MBD5: variants seen among roughly 807,000 people sequenced by gnomAD.
The protein encoded by MBD5 is methyl-CpG binding domain protein 5.
In MBD5, 13 loss-of-function variants were observed where a neutral mutation model predicts 117.3. That is an observed-to-expected ratio of 0.11 (90% CI 0.07 to 0.18). MBD5 has a LOEUF of 0.18. MBD5 is among the 10% of genes least tolerant of loss of function. The pLI is 1.00. For missense variants in MBD5, 1,879 were observed against 2,093.8 expected, an observed-to-expected ratio of 0.90 and a Z score of 2.00; for synonymous variants, 727 against 766.4, an observed-to-expected ratio of 0.95 and a Z score of 0.85.
chr2:148,385,466 G>T (rs898168429), intron 4 of MBD5, among the ~76,000 whole-genome samples: 11 of 152,104 alleles, frequency 7.2e-5, no homozygotes, highest in Admixed American at 2.0e-4. Context: ...AACAACATGT[G>T]CTGGAGAGGA....
At position 148,469,930 on chromosome 2, in the gene MBD5, C is replaced by T. The variant is rs1057520996; in HGVS notation, c.1987C>T (p.Pro663Ser). ...CGCATTGCGGAAAAGAAAACAACCA[C>T]CTACGACAGTGTTGAGTTTGCTCAG... ...KDALRKRKQPPTTVLSLLRQS... is the reference protein window; with the variant it reads ...KDALRKRKQPSTTVLSLLRQS... The change falls in exon 8 of 14, where the codon CCT (proline) becomes TCT (serine). Residue 663 changes from proline to serine, a missense_variant. Transcript: ENST00000642680. The T allele has an allele frequency of 2.5e-6, 4 of 1,613,964 alleles. No homozygotes were observed. The Admixed American group carries it at 5.0e-5, about 20-fold the overall frequency.
In MBD5 at chr2:148,483,927, C is replaced by A. The variant is rs750566106; in HGVS notation, c.3336C>A (p.Ser1112=). ...ANHPEVSIAT[S]SQATTTTTTT... Reference sequence around the variant, plus strand: ...ATCCAGAGGTTTCCATAGCAACCTCCTCCCAGGCAACCACTACCACAACCA... The same window carrying A: ...ATCCAGAGGTTTCCATAGCAACCTCATCCCAGGCAACCACTACCACAACCA... Residue 1112 remains serine, a synonymous_variant, in exon 9 of 14, where the codon TCC becomes TCA. Coordinates refer to ENST00000642680, the MANE Select transcript of MBD5 (RefSeq NM_001378120.1). 15 of 1,550,414 alleles carry A rather than the reference C, an allele frequency of 9.7e-6. No individual in the cohort carries two copies. The highest frequency in any genetic ancestry group is 1.7e-4 in the Middle Eastern group (1 of 6,012).
At chr2:148,214,946 A>G (rs1029586098) in intron 2 of MBD5, among the ~76,000 whole-genome samples, 11 of 152,166 alleles carry the variant, frequency 7.2e-5, no homozygotes, top group Admixed American at 7.2e-4. Context: ...TAGCATTGCT[A>G]TTTACCTTTA....
At chr2:148,063,486 C>T (rs1573971321) in intron 1 of MBD5, among the ~76,000 whole-genome samples, 2 of 151,948 alleles carry the variant, frequency 1.3e-5, no homozygotes, top group African/African-American at 4.8e-5. Context: ...CTCAACTCTG[C>T]TTTTTTAGTG....
chr2:148,370,704 G>C (rs1427836528), intron 4 of MBD5, among the ~76,000 whole-genome samples: 1 of 152,000 alleles, frequency 6.6e-6, no homozygotes, highest in Admixed American at 6.6e-5. Context: ...GCCCAGGCTG[G>C]TCTCGAACTC....
intron 1 of MBD5, among the ~76,000 whole-genome samples, chr2:148,119,211 G>A (rs1452448853): frequency 6.6e-6 from 1 of 152,038 alleles, no homozygotes; most frequent in Non-Finnish European, 1.5e-5. Context: ...CGCCATTTTA[G>A]TGAATGTGAA....
chr2:148,151,973 C>A (rs535120289), intron 1 of MBD5, among the ~76,000 whole-genome samples: 85 of 151,546 alleles, frequency 5.6e-4, no homozygotes, highest in African/African-American at 1.9e-3. Flanking sequence ...TATTTCTTGC[C>A]TTCTGCTAGC....
Position 148,272,092 on chromosome 2 carries a change from TCCATGTTTTCAG to T in MBD5, c.-680+38698_-680+38709del, listed in dbSNP as rs1700999850. ...ACTTAACATAATTCCTCCAGGTTCA[TCCATGTTTTCAG>T]AAGTAACAGGATTTCCTTCATTTTA... On this transcript the variant is annotated intron_variant, in intron 3 of 13. Coordinates refer to ENST00000642680, the MANE Select transcript of MBD5 (RefSeq NM_001378120.1). Among the ~76,000 whole-genome samples the T allele has an allele frequency of 8.5e-5, 13 of 152,206 alleles. 1 individual carries two copies. Among genetic ancestry groups the T allele is most frequent in the Admixed American group, 8.5e-4 (13 of 15,278 alleles).
intron 4 of MBD5, among the ~76,000 whole-genome samples, chr2:148,446,787 G>A (rs927781818): frequency 8.5e-5 from 13 of 152,052 alleles, no homozygotes; most frequent in African/African-American, 2.4e-5. Context: ...TACCCAGGCT[G>A]AGGAAGAGCC....
chr2:148,484,910 T>G (rs1001267670), intron 9 of MBD5, among the ~76,000 whole-genome samples: 2 of 152,298 alleles, frequency 1.3e-5, no homozygotes, highest in Admixed American at 6.5e-5. Flanking sequence ...TGTAAAAAAT[T>G]TGTTTATTAT....
intron 2 of MBD5, among the ~76,000 whole-genome samples, chr2:148,186,704 A>C (rs1208056021): frequency 6.6e-6 from 1 of 152,204 alleles, no homozygotes. Flanking sequence ...GAAGAGCCAG[A>C]TGGGAAGACA....
intron 3 of MBD5, among the ~76,000 whole-genome samples, chr2:148,323,719 T>G (rs1209081716): frequency 6.6e-6 from 1 of 152,204 alleles, no homozygotes; most frequent in Non-Finnish European, 1.5e-5. Context: ...TAAATTTGAG[T>G]TCATTGTAGA....
At chr2:148,314,300 C>T (rs1030871093) in intron 3 of MBD5, among the ~76,000 whole-genome samples, 1 of 149,712 alleles carries the variant, frequency 6.7e-6, no homozygotes, top group African/African-American at 2.5e-5. Flanking sequence ...GATATCTTAA[C>T]TTCTTTATAT....
At chr2:148,328,982 T>C (rs1352468378) in intron 3 of MBD5, among the ~76,000 whole-genome samples, 1 of 152,250 alleles carries the variant, frequency 6.6e-6, no homozygotes, top group Non-Finnish European at 1.5e-5. Flanking sequence ...AATTTTAAAA[T>C]TCTTAATTGA....
intron 3 of MBD5, among the ~76,000 whole-genome samples, chr2:148,241,495 G>A (rs577174781): frequency 6.6e-6 from 1 of 152,060 alleles, no homozygotes; most frequent in East Asian, 1.9e-4. Flanking sequence ...TTTCCACTGG[G>A]TTTTTTGGAG....
chr2:148,158,471 G>T (rs1476011468), intron 1 of MBD5, among the ~76,000 whole-genome samples: 10 of 152,094 alleles, frequency 6.6e-5, no homozygotes. Flanking sequence ...TTTGTCAATG[G>T]TCTACTCATT....
intron 3 of MBD5, among the ~76,000 whole-genome samples, chr2:148,306,928 A>G (rs757958849): frequency 6.6e-6 from 1 of 152,202 alleles, no homozygotes; most frequent in Non-Finnish European, 1.5e-5. Flanking sequence ...TAGAAAATAA[A>G]TAAGCTTAAA....
intron 3 of MBD5, among the ~76,000 whole-genome samples, chr2:148,307,869 C>G (rs980819307): frequency 6.8e-6 from 1 of 147,084 alleles, no homozygotes; most frequent in African/African-American, 2.5e-5. Context: ...TCAGTTCCCA[C>G]TTGTAAGTGA....
intron 1 of MBD5, among the ~76,000 whole-genome samples, chr2:148,108,495 G>C (rs1200307695): frequency 3.3e-5 from 5 of 151,030 alleles, no homozygotes; most frequent in African/African-American, 9.7e-5. Flanking sequence ...CAGCATTATG[G>C]ATGGTCGGCT....
Sources: allele counts gnomAD v4.1 joint callset (sites outside exome capture counted in the v4.1 genomes callset), GRCh38; gene constraint gnomAD v4.1.1; transcripts MANE v1.5; gene names NCBI Gene and HGNC (gene_info 2026-07-23, HGNC 2026-07-21).